Variants in FRMPD4 observed in about 807,000 individuals in gnomAD.
FRMPD4 encodes FERM and PDZ domain containing 4.
FRMPD4 carries 22 observed loss-of-function variants against 94.1 expected under a neutral mutation model. That is an observed-to-expected ratio of 0.23 (90% CI 0.17 to 0.33). The LOEUF (loss-of-function observed/expected upper bound fraction) is 0.33. Among genes scored for constraint, FRMPD4 ranks in the 10% least tolerant of loss-of-function variants. The pLI, the probability that FRMPD4 is intolerant of heterozygous loss-of-function variation, is 1.00. For synonymous variants in FRMPD4, 631 were observed against 548.6 expected (o/e 1.15, Z -2.10); for missense variants, 1,111 against 1,339.9 (o/e 0.83, Z 2.67).
chrX:12,528,981 C>T (rs752903864), intron 2 of FRMPD4, among the ~76,000 whole-genome samples: 2 of 112,586 alleles, frequency 1.8e-5, no homozygotes, highest in African/African-American at 6.4e-5. Flanking sequence ...TCTATTGCTG[C>T]ATAACAAATT....
intron 1 of FRMPD4, among the ~76,000 whole-genome samples, chrX:12,153,723 G>A (rs779175729): frequency 1.4e-3 from 163 of 112,416 alleles, no homozygotes; most frequent in African/African-American, 4.9e-3. Flanking sequence ...TTTATTGCTG[G>A]CCTACAAGTC....
intron 1 of FRMPD4, among the ~76,000 whole-genome samples, chrX:12,161,029 C>T (rs2056016854): frequency 9.0e-6 from 1 of 111,467 alleles, no homozygotes; most frequent in Non-Finnish European, 1.9e-5. Context: ...AGTTTCAGAA[C>T]GTATAATATT....
At chrX:11,863,538 T>G (rs968143880) in intron 1 of FRMPD4, among the ~76,000 whole-genome samples, 2 of 111,554 alleles carry the variant, frequency 1.8e-5, no homozygotes, top group Non-Finnish European at 3.8e-5. Context: ...ATGTTGGTAG[T>G]AGAAAGTAAT....
At chrX:11,898,142 G>A (rs772852589) in intron 3 of FRMPD4, among the ~76,000 whole-genome samples, 1 of 111,265 alleles carries the variant, frequency 9.0e-6, no homozygotes, top group Non-Finnish European at 1.9e-5. Context: ...TTGGGGGTAT[G>A]GGGGGCAGGC....
At chrX:12,485,523 C>T (rs962470537) in intron 1 of FRMPD4, among the ~76,000 whole-genome samples, 3 of 87,920 alleles carry the variant, frequency 3.4e-5, no homozygotes, top group Non-Finnish European at 7.5e-5. Context: ...GTATTGTATG[C>T]GGAGTTGTGG....
intron 1 of FRMPD4, among the ~76,000 whole-genome samples, chrX:12,349,563 G>A (rs1339217640): frequency 9.0e-6 from 1 of 111,478 alleles, no homozygotes; most frequent in Non-Finnish European, 1.9e-5. Context: ...TTCTGAGCAT[G>A]TAACTGAACA....
intron 1 of FRMPD4, among the ~76,000 whole-genome samples, chrX:12,333,154 A>G (rs1013585220): frequency 3.6e-5 from 4 of 112,250 alleles, no homozygotes; most frequent in East Asian, 5.5e-4. Flanking sequence ...AATAAAGTCT[A>G]TGAATCATAG....
In FRMPD4 at chrX:12,230,375, A is replaced by G. The variant is rs190313669; in HGVS notation, c.41+91363A>G. ...GTGTATAAGGAGCTGGACACTGGCA[A>G]ACTGAGACCAAATTGATAGAGACTG... On this transcript the variant is annotated intron_variant, in intron 1 of 16. Transcript: ENST00000675598. Among the ~76,000 whole-genome samples the G allele has an allele frequency of 4.5e-5, 5 of 111,670 alleles. No individual in the cohort carries two copies. In the Admixed American group the frequency reaches 4.8e-4, roughly 11 times the overall value.
chrX:11,875,999 C>T (rs1419243746), intron 2 of FRMPD4, among the ~76,000 whole-genome samples: 8 of 108,215 alleles, frequency 7.4e-5, no homozygotes, highest in Admixed American at 5.9e-4. Context: ...CCTCAGCCTC[C>T]GGAGTAGCTG....
chrX:12,600,376 A>T (rs1335639530), intron 2 of FRMPD4, among the ~76,000 whole-genome samples: 1 of 112,280 alleles, frequency 8.9e-6, no homozygotes, highest in African/African-American at 3.2e-5. Flanking sequence ...GAAATGCTTC[A>T]TTTGGAAGAT....
intron 1 of FRMPD4, among the ~76,000 whole-genome samples, chrX:12,384,312 T>A (rs1366824461): frequency 9.0e-6 from 1 of 111,286 alleles, no homozygotes; most frequent in Non-Finnish European, 1.9e-5. Context: ...GCCCAGGAGT[T>A]CAAGACCAGC....
chrX:11,935,443 C>A (rs2054153579), intron 3 of FRMPD4, among the ~76,000 whole-genome samples: 1 of 11,852 alleles, frequency 8.4e-5, no homozygotes, highest in Non-Finnish European at 1.7e-4. Context: ...CCTCCCCCGA[C>A]CCCACCACAG....
chrX:11,987,097 T>TCAAAAAAAAAAAAAAAAAAA (rs1569137639), intron 3 of FRMPD4, among the ~76,000 whole-genome samples: 1 of 14,642 alleles, frequency 6.8e-5, no homozygotes, highest in African/African-American at 4.8e-4. Flanking sequence ...CAAAGACACA[T>TCAAAAAAAAAAAAAAAAAAA]TAAAAAAAAA....
At chrX:12,270,409 G>T (rs2054338166) in intron 1 of FRMPD4, among the ~76,000 whole-genome samples, 1 of 111,571 alleles carries the variant, frequency 9.0e-6, no homozygotes, top group Non-Finnish European at 1.9e-5. Flanking sequence ...AAATCAGTTT[G>T]TTAATTTCCC....
At chrX:11,978,696 G>C (rs2054381262) in intron 3 of FRMPD4, among the ~76,000 whole-genome samples, 1 of 111,888 alleles carries the variant, frequency 8.9e-6, no homozygotes, top group South Asian at 3.7e-4. Flanking sequence ...TGTTTGTGGA[G>C]AACAAATCAT....
chrX:11,961,089 A>C (rs1006615049), intron 3 of FRMPD4, among the ~76,000 whole-genome samples: 3 of 111,468 alleles, frequency 2.7e-5, no homozygotes, highest in African/African-American at 9.8e-5. Context: ...TGATCGTACA[A>C]ATTTCTATAG....
At chrX:12,115,888 G>C (rs771333391) in intron 3 of FRMPD4, among the ~76,000 whole-genome samples, 22 of 111,842 alleles carry the variant, frequency 2.0e-4, no homozygotes, top group Non-Finnish European at 3.8e-4. Flanking sequence ...TCCCTTGCAA[G>C]CTGTGCCTCT....
intron 2 of FRMPD4, among the ~76,000 whole-genome samples, chrX:12,545,455 A>T (rs1257680610): frequency 5.3e-5 from 6 of 112,688 alleles, no homozygotes; most frequent in Non-Finnish European, 7.5e-5. Flanking sequence ...TATGCCTCCC[A>T]GTCATCAGGA....
At chrX:12,185,224 G>T (rs780032095) in intron 1 of FRMPD4, among the ~76,000 whole-genome samples, 1 of 111,556 alleles carries the variant, frequency 9.0e-6, no homozygotes, top group African/African-American at 3.3e-5. Context: ...CCAAATATAC[G>T]TGAAGAAAAA....
Sources: allele counts gnomAD v4.1 joint callset (sites outside exome capture counted in the v4.1 genomes callset), GRCh38; gene constraint gnomAD v4.1.1; transcripts MANE v1.5; gene names NCBI Gene and HGNC (gene_info 2026-07-23, HGNC 2026-07-21).